Variants in VWC2L observed in about 807,000 individuals in gnomAD.
VWC2L encodes von Willebrand factor C domain containing 2 like.
VWC2L carries 10 observed loss-of-function variants against 21.6 expected under a neutral mutation model. The ratio of observed to expected loss-of-function variants is 0.46; its 90% CI spans 0.29 to 0.78. VWC2L has a LOEUF of 0.78. Ranked by LOEUF, VWC2L falls within the 30% of genes least tolerant of loss-of-function variation. The pLI is 0.10. For missense variants in VWC2L, 209 were observed against 277.1 expected, an observed-to-expected ratio of 0.75 and a Z score of 1.74; for synonymous variants, 96 against 94.3, an observed-to-expected ratio of 1.02 and a Z score of -0.10.
At chr2:214,569,306 G>A (rs1354354938) in intron 3 of VWC2L, among the ~76,000 whole-genome samples, 1 of 151,872 alleles carries the variant, frequency 6.6e-6, no homozygotes, top group Non-Finnish European at 1.5e-5. Flanking sequence ...TGAAATCAAT[G>A]TCTGTATTTC....
intron 3 of VWC2L, among the ~76,000 whole-genome samples, chr2:214,452,643 A>T (rs1022964423): frequency 6.6e-6 from 1 of 152,110 alleles, no homozygotes; most frequent in Admixed American, 6.5e-5. Context: ...GTAGATGTAT[A>T]CGTAACTTTT....
chr2:214,534,550 G>A (rs1010893632), intron 3 of VWC2L, among the ~76,000 whole-genome samples: 4 of 152,192 alleles, frequency 2.6e-5, no homozygotes, highest in Non-Finnish European at 5.9e-5. Flanking sequence ...ATGACTCTGG[G>A]AGCATCATCT....
At chr2:214,456,798 C>T (rs1703065133) in intron 3 of VWC2L, among the ~76,000 whole-genome samples, 7 of 152,020 alleles carry the variant, frequency 4.6e-5, no homozygotes, top group Admixed American at 4.6e-4. Context: ...TGAACATCTA[C>T]TTTTCCCAGT....
At chr2:214,541,684 T>G (rs1689629987) in intron 3 of VWC2L, among the ~76,000 whole-genome samples, 1 of 152,128 alleles carries the variant, frequency 6.6e-6, no homozygotes, top group African/African-American at 2.4e-5. Context: ...CGAACCATGG[T>G]TTTCCCATCT....
At chr2:214,436,439 G>T in intron 2 of VWC2L, 190 bp from the exon 3 acceptor site, 3 of 619,402 alleles carry the variant, frequency 4.8e-6, no homozygotes, top group Non-Finnish European at 8.0e-6. Context: ...CCTGAGTGCA[G>T]GTTGTAATCC....
chr2:214,500,402 T>C (rs1688875817), intron 3 of VWC2L, among the ~76,000 whole-genome samples: 1 of 152,234 alleles, frequency 6.6e-6, no homozygotes, highest in Non-Finnish European at 1.5e-5. Context: ...CGTTCTGGCA[T>C]CCTACTTTCT....
At chr2:214,506,128 T>C (rs1185744099) in intron 3 of VWC2L, among the ~76,000 whole-genome samples, 1 of 152,234 alleles carries the variant, frequency 6.6e-6, no homozygotes, top group Non-Finnish European at 1.5e-5. Flanking sequence ...CATGTTTCTA[T>C]CTTTAGTCTT....
intron 3 of VWC2L, among the ~76,000 whole-genome samples, chr2:214,446,857 C>T (rs116161545): frequency 0.015 from 2,271 of 152,244 alleles, 26 homozygotes; most frequent in Middle Eastern, 0.034. Flanking sequence ...GTGTTGAACA[C>T]ATACATATGG....
At chr2:214,520,010 T>A (rs13412172) in intron 3 of VWC2L, among the ~76,000 whole-genome samples, 15 of 151,628 alleles carry the variant, frequency 9.9e-5, no homozygotes, top group Admixed American at 9.2e-4. Flanking sequence ...AATTCGGAAA[T>A]TTTAATTTTA....
At chr2:214,532,967 GAC>G (rs1332963206) in intron 3 of VWC2L, among the ~76,000 whole-genome samples, 3 of 152,104 alleles carry the variant, frequency 2.0e-5, no homozygotes, top group Non-Finnish European at 4.4e-5. Context: ...TTTTTCCTGT[GAC>G]ACCCTCTCAC....
intron 3 of VWC2L, among the ~76,000 whole-genome samples, chr2:214,556,258 T>C (rs1173433156): frequency 1.3e-5 from 2 of 152,098 alleles, no homozygotes; most frequent in Admixed American, 1.3e-4. Context: ...AGACTCCATC[T>C]CAAAAAATAA....
At chr2:214,543,995 C>G (rs1423466952) in intron 3 of VWC2L, among the ~76,000 whole-genome samples, 1 of 152,150 alleles carries the variant, frequency 6.6e-6, no homozygotes, top group South Asian at 2.1e-4. Flanking sequence ...TTCTCTCTTA[C>G]GATTGTACTT....
intron 3 of VWC2L, among the ~76,000 whole-genome samples, chr2:214,446,879 A>T (rs1451949627): frequency 1.3e-5 from 2 of 152,162 alleles, no homozygotes; most frequent in Admixed American, 1.3e-4. Context: ...ATTTTTTTTC[A>T]TAAACATTCA....
At chr2:214,469,313 T>C (rs1425169203) in intron 3 of VWC2L, among the ~76,000 whole-genome samples, 2 of 152,114 alleles carry the variant, frequency 1.3e-5, no homozygotes, top group East Asian at 1.9e-4. Flanking sequence ...CCTTAAAATA[T>C]CATGGGCCAG....
chr2:214,521,405 C>G (rs936219840), intron 3 of VWC2L, among the ~76,000 whole-genome samples: 4 of 152,122 alleles, frequency 2.6e-5, no homozygotes, highest in Non-Finnish European at 5.9e-5. Context: ...TGGGTAGAGG[C>G]TGGGACAGTA....
At chr2:214,425,042 AAC>A (rs1217132984) in intron 2 of VWC2L, among the ~76,000 whole-genome samples, 4 of 152,238 alleles carry the variant, frequency 2.6e-5, no homozygotes, top group African/African-American at 4.8e-5. Flanking sequence ...GCTTTATTAA[AAC>A]ACAGCCATGC....
At chr2:214,423,012 T>C (rs776031914) in intron 2 of VWC2L, among the ~76,000 whole-genome samples, 1 of 152,170 alleles carries the variant, frequency 6.6e-6, no homozygotes, top group East Asian at 1.9e-4. Context: ...ATAAATAGTA[T>C]TGAAGATTTG....
At chr2:214,460,512 C>T (rs74398778) in intron 3 of VWC2L, among the ~76,000 whole-genome samples, 3,856 of 152,078 alleles carry the variant, frequency 0.025, 71 homozygotes, top group Non-Finnish European at 0.037. Context: ...TTTTAAAAGA[C>T]CTGTCTTCAA....
intron 3 of VWC2L, among the ~76,000 whole-genome samples, chr2:214,572,371 G>A (rs1028261047): frequency 6.6e-6 from 1 of 152,074 alleles, no homozygotes; most frequent in Non-Finnish European, 1.5e-5. Flanking sequence ...CCTTTTCTCA[G>A]AGGTCCTATT....
Sources: gnomAD v4.1 joint callset for allele counts (sites outside exome capture counted in the v4.1 genomes callset) on GRCh38, gnomAD v4.1.1 for gene constraint, MANE v1.5 for transcripts, NCBI Gene and HGNC (gene_info 2026-07-23, HGNC 2026-07-21) for gene names.